Variants in PAX5 observed in about 807,000 individuals in gnomAD.
PAX5 encodes the protein paired box 5.
In PAX5, 9 loss-of-function variants were observed where a neutral mutation model predicts 43.7. The observed-to-expected ratio is 0.21, with a 90% CI of 0.12 to 0.36. The LOEUF (loss-of-function observed/expected upper bound fraction) is 0.36. Ranked by LOEUF, PAX5 falls within the 10% of genes least tolerant of loss-of-function variation. The pLI, the probability that PAX5 is intolerant of heterozygous loss-of-function variation, is 1.00. For synonymous variants in PAX5, 228 were observed against 214.3 expected, an observed-to-expected ratio of 1.06 and a Z score of -0.56; for missense variants, 383 against 532.7, an observed-to-expected ratio of 0.72 and a Z score of 2.77.
intron 1 of PAX5, among the ~76,000 whole-genome samples, chr9:37,029,968 G>A (rs536247246): frequency 3.3e-5 from 5 of 152,204 alleles, no homozygotes; most frequent in Non-Finnish European, 5.9e-5. Flanking sequence ...GGATGGTGGG[G>A]GAGGGGCGAT....
intron 8 of PAX5, among the ~76,000 whole-genome samples, chr9:36,852,026 T>G (rs1482536708): frequency 6.6e-6 from 1 of 152,228 alleles, no homozygotes; most frequent in African/African-American, 2.4e-5. Flanking sequence ...TGCATTCACC[T>G]GTTGAGTCTC....
intron 7 of PAX5, among the ~76,000 whole-genome samples, chr9:36,907,813 G>C (rs143412025): frequency 2.9e-3 from 448 of 152,280 alleles, no homozygotes; most frequent in African/African-American, 0.01. Context: ...ATACCAAATC[G>C]CCAACTCTGA....
chr9:36,913,165 C>T (rs1587951414), intron 7 of PAX5, among the ~76,000 whole-genome samples: 1 of 152,166 alleles, frequency 6.6e-6, no homozygotes, highest in South Asian at 2.1e-4. Context: ...GACTTGGCAG[C>T]CATTCTGTCT....
chr9:36,872,832 G>A (rs753375447), intron 8 of PAX5, among the ~76,000 whole-genome samples: 6 of 152,216 alleles, frequency 3.9e-5, no homozygotes, highest in South Asian at 4.1e-4. Context: ...GGCAGAGCCT[G>A]CCCTCTGCAA....
At chr9:36,903,345 CAG>C (rs1268720192) in intron 7 of PAX5, among the ~76,000 whole-genome samples, 1 of 152,244 alleles carries the variant, frequency 6.6e-6, no homozygotes, top group African/African-American at 2.4e-5. Flanking sequence ...ACCTGGGCAA[CAG>C]AGTGAGACCC....
rs1027259320 is a variant in PAX5 at position 36,833,793 on chromosome 9, G to T, written c.*6767C>A. ...AAGAAGCATTTTTTTTTTTCAATCCGTTGGAGACAGATCATCTCCCACTTT... is the reference window on the plus strand; with the variant it reads ...AAGAAGCATTTTTTTTTTTCAATCCTTTGGAGACAGATCATCTCCCACTTT... On this transcript the variant is annotated 3_prime_UTR_variant, in exon 10 of 10. Transcript: ENST00000358127. The T allele has an allele frequency of 1.7e-5, 4 of 230,502 alleles. No individual in the cohort carries two copies. Among genetic ancestry groups the T allele is most frequent in the Non-Finnish European group, 3.4e-5 (4 of 117,482 alleles). 14.3% of individuals were successfully genotyped at this position (230,502 alleles called of 1,614,324 possible). A position where few individuals can be genotyped will look rare whatever the true frequency, so the allele number is the denominator to read the frequency against.
chr9:36,969,528 G>C (rs1238268868), intron 5 of PAX5, among the ~76,000 whole-genome samples: 1 of 152,354 alleles, frequency 6.6e-6, no homozygotes, highest in Middle Eastern at 3.4e-3. Context: ...GTACACACAG[G>C]GGGTGTTAGG....
intron 8 of PAX5, among the ~76,000 whole-genome samples, chr9:36,880,434 G>T (rs988017195): frequency 6.6e-6 from 1 of 152,276 alleles, no homozygotes; most frequent in African/African-American, 2.4e-5. Context: ...TAGAAAGAGG[G>T]GTGTGGTTAT....
At chr9:36,890,473 A>G (rs1563936357) in intron 7 of PAX5, among the ~76,000 whole-genome samples, 1 of 152,176 alleles carries the variant, frequency 6.6e-6, no homozygotes, top group Non-Finnish European at 1.5e-5. Context: ...AAGGTCCAGG[A>G]AGCCTGCACA....
intron 1 of PAX5, among the ~76,000 whole-genome samples, chr9:37,023,825 CA>C (rs1260459555): frequency 3.3e-5 from 5 of 152,182 alleles, no homozygotes; most frequent in Admixed American, 2.0e-4. Context: ...GACAGGCAAA[CA>C]GGGGCACAGG....
At chr9:36,950,946 C>G (rs778798060) in intron 6 of PAX5, among the ~76,000 whole-genome samples, 1 of 151,936 alleles carries the variant, frequency 6.6e-6, no homozygotes, top group Non-Finnish European at 1.5e-5. Context: ...TTCACCATCT[C>G]GAGACCAAGC....
chr9:36,891,962 T>TC (rs1827430647), intron 7 of PAX5, among the ~76,000 whole-genome samples: 1 of 152,140 alleles, frequency 6.6e-6, no homozygotes, highest in African/African-American at 2.4e-5. Context: ...ACTATCACAC[T>TC]CCAATACTGT....
intron 7 of PAX5, among the ~76,000 whole-genome samples, chr9:36,884,567 T>C (rs1826750426): frequency 6.6e-6 from 1 of 152,226 alleles, no homozygotes; most frequent in Non-Finnish European, 1.5e-5. Context: ...TTCCTGTTAA[T>C]GTCAAGAACA....
At chr9:36,854,035 A>G (rs1332428977) in intron 8 of PAX5, among the ~76,000 whole-genome samples, 3 of 152,254 alleles carry the variant, frequency 2.0e-5, no homozygotes, top group East Asian at 1.9e-4. Flanking sequence ...CAATTAACAT[A>G]TGGAAAGTCT....
chr9:37,013,066 A>G (rs1839083807), intron 3 of PAX5, among the ~76,000 whole-genome samples: 1 of 151,530 alleles, frequency 6.6e-6, no homozygotes, highest in African/African-American at 2.4e-5. Context: ...CCTGGGCAAC[A>G]TAGGGAGACC....
chr9:37,006,362 G>A (rs901047729), intron 4 of PAX5, 111 bp downstream of exon 4: 5 of 718,250 alleles, frequency 7.0e-6, no homozygotes, highest in African/African-American at 5.3e-5. Flanking sequence ...GCATTAGTAC[G>A]TGTGCTGAAG....
At chr9:37,003,820 G>C (rs1259901353) in intron 4 of PAX5, among the ~76,000 whole-genome samples, 1 of 152,218 alleles carries the variant, frequency 6.6e-6, no homozygotes, top group Non-Finnish European at 1.5e-5. Context: ...CTGGGCAGCA[G>C]AGCAAGACCC....
At chr9:36,843,710 G>A (rs1822295139) in intron 9 of PAX5, among the ~76,000 whole-genome samples, 1 of 152,086 alleles carries the variant, frequency 6.6e-6, no homozygotes, top group Non-Finnish European at 1.5e-5. Flanking sequence ...GGGCACAGGT[G>A]TGTTTCATGG....
At chr9:36,999,114 T>TA (rs1306316583) in intron 5 of PAX5, among the ~76,000 whole-genome samples, 6 of 152,202 alleles carry the variant, frequency 3.9e-5, no homozygotes, top group African/African-American at 1.2e-4. Context: ...TCTCCCTAAA[T>TA]GCTTCTAGAC....
Sources: gnomAD v4.1 joint callset for allele counts (sites outside exome capture counted in the v4.1 genomes callset) on GRCh38, gnomAD v4.1.1 for gene constraint, MANE v1.5 for transcripts, NCBI Gene and HGNC (gene_info 2026-07-23, HGNC 2026-07-21) for gene names.